SYNPR: variants seen among roughly 807,000 people sequenced by gnomAD.
The protein encoded by SYNPR is synaptoporin.
In SYNPR, 23 loss-of-function variants were observed where a neutral mutation model predicts 32.9. The ratio of observed to expected loss-of-function variants is 0.70; its 90% CI spans 0.50 to 0.99. SYNPR has a LOEUF of 0.99. Among genes scored for constraint, SYNPR ranks in the 50% least tolerant of loss-of-function variants. The pLI is 0.00. For synonymous variants in SYNPR, 146 were observed against 135.9 expected (o/e 1.07, Z -0.52); for missense variants, 318 against 349.3 (o/e 0.91, Z 0.71).
At chr3:63,347,286 T>C (rs1193709745) in intron 2 of SYNPR, among the ~76,000 whole-genome samples, 1 of 152,206 alleles carries the variant, frequency 6.6e-6, no homozygotes, top group Non-Finnish European at 1.5e-5. Context: ...AATGCAAAGA[T>C]TGTGCTTGAA....
At chr3:63,604,854 C>G (rs934048594) in intron 4 of SYNPR, among the ~76,000 whole-genome samples, 1 of 152,134 alleles carries the variant, frequency 6.6e-6, no homozygotes, top group Non-Finnish European at 1.5e-5. Context: ...TTGGCCAGTG[C>G]CTTGATTATT....
At chr3:63,475,740 C>T (rs1375159294) in intron 2 of SYNPR, among the ~76,000 whole-genome samples, 1 of 152,112 alleles carries the variant, frequency 6.6e-6, no homozygotes, top group African/African-American at 2.4e-5. Context: ...TCCCCTCAGG[C>T]TTTTCTCACT....
the SYNPR span, among the ~76,000 whole-genome samples, chr3:63,201,592 G>A: frequency 1.3e-5 from 2 of 151,902 alleles, no homozygotes; most frequent in South Asian, 4.2e-4. Context: ...CTTTCTACCT[G>A]CTTTATATTT....
At chr3:63,486,018 CA>C (rs1248542404) in intron 3 of SYNPR, among the ~76,000 whole-genome samples, 3 of 152,178 alleles carry the variant, frequency 2.0e-5, no homozygotes, top group Non-Finnish European at 4.4e-5. Context: ...TGTTTATTCT[CA>C]TGCCTCAGCT....
intron 3 of SYNPR, among the ~76,000 whole-genome samples, chr3:63,487,938 C>A (rs2106709965): frequency 6.6e-6 from 1 of 152,240 alleles, no homozygotes; most frequent in South Asian, 2.1e-4. Context: ...GCTGAATAAG[C>A]ACCATTCCCC....
chr3:63,465,895 A>C (rs1433113043), intron 2 of SYNPR, among the ~76,000 whole-genome samples: 2 of 152,024 alleles, frequency 1.3e-5, no homozygotes, highest in Non-Finnish European at 2.9e-5. Context: ...ACGTCCCTTA[A>C]GACCTTTTTG....
intron 3 of SYNPR, among the ~76,000 whole-genome samples, chr3:63,546,780 G>T (rs565005759): frequency 2.1e-4 from 32 of 152,240 alleles, no homozygotes; most frequent in Non-Finnish European, 3.4e-4. Context: ...AAATCAAGGA[G>T]AAATACCTCT....
At chr3:63,576,079 T>A (rs540212521) in intron 4 of SYNPR, among the ~76,000 whole-genome samples, 24 of 152,298 alleles carry the variant, frequency 1.6e-4, no homozygotes, top group Non-Finnish European at 2.8e-4. Context: ...ACACTACAGC[T>A]ACAAAGAAAT....
At chr3:63,259,792 T>G (rs543545596) in intron 2 of SYNPR, among the ~76,000 whole-genome samples, 1 of 152,320 alleles carries the variant, frequency 6.6e-6, no homozygotes, top group East Asian at 1.9e-4. Flanking sequence ...TTGTCCCTGT[T>G]TGCCGATGAC....
chr3:63,224,091 G>C (rs560591794), upstream of SYNPR, among the ~76,000 whole-genome samples: 1 of 152,332 alleles, frequency 6.6e-6, no homozygotes, highest in African/African-American at 2.4e-5. Context: ...AGAATTTTCT[G>C]TTGAAGGAGT....
chr3:63,256,537 AGAAAG>A (rs2086385384), intron 2 of SYNPR, among the ~76,000 whole-genome samples: 1 of 152,256 alleles, frequency 6.6e-6, no homozygotes, highest in Non-Finnish European at 1.5e-5. Context: ...ACTAACAAAC[AGAAAG>A]GACATCCACA....
chr3:63,253,993 A>C (rs2086360890), intron 2 of SYNPR, among the ~76,000 whole-genome samples: 1 of 152,206 alleles, frequency 6.6e-6, no homozygotes, highest in South Asian at 2.1e-4. Context: ...AGCCATAAAA[A>C]ATGATGAGTT....
chr3:63,562,607 A>G (rs1702709418), intron 4 of SYNPR, among the ~76,000 whole-genome samples: 1 of 152,148 alleles, frequency 6.6e-6, no homozygotes, highest in Non-Finnish European at 1.5e-5. Context: ...ATATTTTCCT[A>G]TTTCCCCATC....
At chr3:63,368,818 T>C (rs1430186154) in intron 2 of SYNPR, among the ~76,000 whole-genome samples, 1 of 152,220 alleles carries the variant, frequency 6.6e-6, no homozygotes. Context: ...ACAGTGTTGC[T>C]TCAAGTCAGA....
chr3:63,449,682 A>T (rs954475338), intron 2 of SYNPR, among the ~76,000 whole-genome samples: 1 of 152,166 alleles, frequency 6.6e-6, no homozygotes, highest in Non-Finnish European at 1.5e-5. Flanking sequence ...AGTTTACCCT[A>T]GGGTTTTTAA....
At chr3:63,430,362 A>ACG (rs1699970211) in intron 2 of SYNPR, among the ~76,000 whole-genome samples, 2 of 22,566 alleles carry the variant, frequency 8.9e-5, no homozygotes, top group Admixed American at 3.8e-4. Context: ...CACTGAGAAT[A>ACG]CACACACACA....
intron 2 of SYNPR, among the ~76,000 whole-genome samples, chr3:63,318,642 A>T (rs1335889013): frequency 6.6e-6 from 1 of 151,884 alleles, no homozygotes; most frequent in East Asian, 1.9e-4. Context: ...ATTTCCTTGA[A>T]TATTTCTCTG....
intron 2 of SYNPR, among the ~76,000 whole-genome samples, chr3:63,295,477 A>G (rs994567768): frequency 1.3e-5 from 2 of 152,170 alleles, no homozygotes; most frequent in African/African-American, 4.8e-5. Context: ...AGTTTAACAC[A>G]GGAAGAAAAA....
At position 63,616,670 on chromosome 3, in the gene SYNPR, T is replaced by C. The variant is rs1700282623; in HGVS notation, c.*1189T>C. On this transcript the variant is annotated 3_prime_UTR_variant, in exon 6 of 6. Transcript: ENST00000478300. ...CAGAATGTATTCATTATCAAGAAAA[T>C]GTCAATCGTCACTTCCTCGTTTTAA... The C allele has an allele frequency of 6.6e-6, 1 of 152,550 alleles. No homozygotes were observed. Among genetic ancestry groups the C allele is most frequent in the African/African-American group, 2.4e-5 (1 of 41,424 alleles). The allele number at this position is 152,550 out of a possible 1,614,324, so 9.4% of individuals were successfully genotyped here.
Sources: allele counts gnomAD v4.1 joint callset (sites outside exome capture counted in the v4.1 genomes callset), GRCh38; gene constraint gnomAD v4.1.1; transcripts MANE v1.5; gene names NCBI Gene and HGNC (gene_info 2026-07-23, HGNC 2026-07-21).